Variants in RANBP2 observed in about 807,000 individuals in gnomAD.
The protein encoded by RANBP2 is RAN binding protein 2.
A neutral mutation model predicts 303.6 loss-of-function variants in RANBP2; 57 were observed. The ratio of observed to expected loss-of-function variants is 0.19; its 90% confidence interval spans 0.15 to 0.23. The LOEUF (loss-of-function observed/expected upper bound fraction) is 0.23, where lower values mean the gene tolerates loss of function less well. Among genes scored for constraint, RANBP2 ranks in the 10% least tolerant of loss-of-function variants. The pLI, the probability that RANBP2 is intolerant of heterozygous loss-of-function variation, is 1.00. For missense variants in RANBP2, 3,138 were observed against 3,780.8 expected, an observed-to-expected ratio of 0.83 and a Z score of 4.46; for synonymous variants, 1,167 against 1,301.5, an observed-to-expected ratio of 0.90 and a Z score of 2.23.
the RANBP2 span, chr2:109,615,820 C>T: frequency 5.0e-6 from 8 of 1,614,148 alleles, no homozygotes; most frequent in South Asian, 3.3e-5. Flanking sequence ...CATCACCACT[C>T]GGCTGAGGGG....
the RANBP2 span, among the ~76,000 whole-genome samples, chr2:109,525,295 C>T: frequency 6.6e-6 from 1 of 152,118 alleles, no homozygotes; most frequent in East Asian, 1.9e-4. Context: ...GCTGGGACTA[C>T]AGGCATGTGC....
At chr2:108,995,029 A>C in the RANBP2 span, among the ~76,000 whole-genome samples, 2 of 151,824 alleles carry the variant, frequency 1.3e-5, no homozygotes, top group Non-Finnish European at 2.9e-5. Flanking sequence ...ATGAGGTTTC[A>C]CCATGTTAGC....
chr2:108,743,010 C>G (rs1046918933), intron 7 of RANBP2, among the ~76,000 whole-genome samples: 1 of 152,158 alleles, frequency 6.6e-6, no homozygotes, highest in African/African-American at 2.4e-5. Context: ...AGGATGGTCT[C>G]GATCTCCTGA....
the RANBP2 span, among the ~76,000 whole-genome samples, chr2:109,462,493 G>A: frequency 3.3e-5 from 5 of 152,058 alleles, no homozygotes; most frequent in African/African-American, 1.2e-4. Context: ...TCTCTCTTCT[G>A]CACCGGCCAA....
At chr2:109,299,888 A>G in the RANBP2 span, among the ~76,000 whole-genome samples, 1 of 152,252 alleles carries the variant, frequency 6.6e-6, no homozygotes, top group Non-Finnish European at 1.5e-5. Flanking sequence ...ATGAAAATTC[A>G]GAACTCCTGA....
At chr2:109,480,751 T>C in the RANBP2 span, among the ~76,000 whole-genome samples, 10 of 152,138 alleles carry the variant, frequency 6.6e-5, no homozygotes, top group African/African-American at 2.4e-4. Flanking sequence ...CTGGATCCCC[T>C]GGGCTCACCT....
At chr2:109,096,459 A>G in the RANBP2 span, among the ~76,000 whole-genome samples, 3 of 152,202 alleles carry the variant, frequency 2.0e-5, no homozygotes, top group African/African-American at 4.8e-5. Context: ...CTGCCCTAAA[A>G]TGTTTTTGTC....
the RANBP2 span, among the ~76,000 whole-genome samples, chr2:109,385,229 A>G: frequency 6.6e-6 from 1 of 152,170 alleles, no homozygotes; most frequent in African/African-American, 2.4e-5. Flanking sequence ...ACCCACCTCC[A>G]AGGGTTCTTA....
the RANBP2 span, among the ~76,000 whole-genome samples, chr2:109,079,146 G>T: frequency 6.6e-6 from 1 of 152,116 alleles, no homozygotes; most frequent in Admixed American, 6.5e-5. Flanking sequence ...TGCCAGCAAG[G>T]CCAACCCCTC....
At chr2:109,226,412 A>G in the RANBP2 span, among the ~76,000 whole-genome samples, 1 of 152,200 alleles carries the variant, frequency 6.6e-6, no homozygotes, top group Non-Finnish European at 1.5e-5. Context: ...AACTGGAGCC[A>G]TGTGAGGTCT....
At chr2:109,086,238 G>A in the RANBP2 span, among the ~76,000 whole-genome samples, 1 of 152,094 alleles carries the variant, frequency 6.6e-6, no homozygotes, top group South Asian at 2.1e-4. Flanking sequence ...TGAGCACTCG[G>A]GTGCAGGTAC....
At chr2:109,030,750 T>G in the RANBP2 span, among the ~76,000 whole-genome samples, 3 of 152,078 alleles carry the variant, frequency 2.0e-5, no homozygotes, top group African/African-American at 7.2e-5. Context: ...CAGTTTTTGT[T>G]GTTGTTGTTG....
intron 1 of RANBP2, among the ~76,000 whole-genome samples, chr2:108,728,199 G>A (rs567046144): frequency 6.6e-6 from 1 of 152,316 alleles, no homozygotes; most frequent in South Asian, 2.1e-4. Flanking sequence ...TGTTAAGTGA[G>A]AGAGTGGTAC....
At chr2:109,078,142 A>ATATATATATAGCGTG in the RANBP2 span, among the ~76,000 whole-genome samples, 524 of 77,696 alleles carry the variant, frequency 6.7e-3, 32 homozygotes, top group East Asian at 0.077. Context: ...TATAGCGTGT[A>ATATATATATAGCGTG]TATATATAGC....
chr2:109,060,197 A>G, the RANBP2 span, among the ~76,000 whole-genome samples: 119,631 of 151,946 alleles, frequency 0.79, 47,298 homozygotes, highest in East Asian at 0.94. Flanking sequence ...GCAAGACTCT[A>G]TCTCAAAAAA....
At chr2:109,272,800 C>T in the RANBP2 span, among the ~76,000 whole-genome samples, 1 of 152,216 alleles carries the variant, frequency 6.6e-6, no homozygotes, top group African/African-American at 2.4e-5. Context: ...GCCCCCGGTA[C>T]TGCCGCACAC....
the RANBP2 span, among the ~76,000 whole-genome samples, chr2:108,841,152 T>C: frequency 6.6e-6 from 1 of 152,148 alleles, no homozygotes; most frequent in Non-Finnish European, 1.5e-5. Context: ...TTGAGTTCTT[T>C]AGAAGTTTGT....
chr2:109,006,727 G>C, the RANBP2 span, among the ~76,000 whole-genome samples: 1 of 152,264 alleles, frequency 6.6e-6, no homozygotes, highest in Non-Finnish European at 1.5e-5. Flanking sequence ...GCTGCGCAGA[G>C]GCCCAACAGC....
intron 5 of RANBP2, 32 bp from the exon 6 acceptor site, chr2:108,736,072 T>C: frequency 6.2e-7 from 1 of 1,611,734 alleles, no homozygotes; most frequent in Non-Finnish European, 8.5e-7. Flanking sequence ...TTTGATTAAG[T>C]TTTGTAACTT....
Sources: gnomAD v4.1 joint callset for allele counts (sites outside exome capture counted in the v4.1 genomes callset) on GRCh38, gnomAD v4.1.1 for gene constraint, MANE v1.5 for transcripts, NCBI Gene and HGNC (gene_info 2026-07-23, HGNC 2026-07-21) for gene names.